Variants in DTNA observed in about 807,000 individuals in gnomAD.
DTNA encodes the protein dystrophin-related protein 3.
Under a neutral mutation model 100.7 loss-of-function variants are expected in DTNA, and 43 were observed. The ratio of observed to expected loss-of-function variants is 0.43; its 90% CI spans 0.33 to 0.55. The LOEUF (loss-of-function observed/expected upper bound fraction) is 0.55. DTNA is among the 20% of genes least tolerant of loss of function. DTNA has a pLI of 0.04. For synonymous variants in DTNA, 349 were observed against 347.9 expected (o/e 1.00, Z -0.04); for missense variants, 798 against 953.9 (o/e 0.84, Z 2.15).
intron 1 of DTNA, among the ~76,000 whole-genome samples, chr18:34,582,054 G>A (rs1192476239): frequency 6.6e-6 from 1 of 152,128 alleles, no homozygotes; most frequent in Non-Finnish European, 1.5e-5. Flanking sequence ...ACCTTAATAT[G>A]TGTATCTTCA....
intron 1 of DTNA, among the ~76,000 whole-genome samples, chr18:34,630,325 C>T (rs1334146480): frequency 1.3e-5 from 2 of 152,108 alleles, no homozygotes; most frequent in Admixed American, 1.3e-4. Context: ...ATTGAATAAC[C>T]CAATTCTCCT....
At chr18:34,663,315 G>A (rs1005001791) in intron 1 of DTNA, among the ~76,000 whole-genome samples, 2 of 151,802 alleles carry the variant, frequency 1.3e-5, no homozygotes, top group East Asian at 1.9e-4. Context: ...ATGCCACCAC[G>A]CCTGGCTAAT....
intron 9 of DTNA, among the ~76,000 whole-genome samples, chr18:34,822,957 A>G (rs781415032): frequency 6.6e-6 from 1 of 152,234 alleles, no homozygotes; most frequent in Non-Finnish European, 1.5e-5. Context: ...TTTTAATTTT[A>G]AAATGCAAAT....
At chr18:34,603,039 A>T (rs913723357) in intron 1 of DTNA, among the ~76,000 whole-genome samples, 41 of 151,626 alleles carry the variant, frequency 2.7e-4, no homozygotes, top group Middle Eastern at 3.4e-3. Context: ...AATTTAATTT[A>T]ATTTAATTTT....
chr18:34,579,467 A>G (rs1052932132), intron 1 of DTNA, among the ~76,000 whole-genome samples: 20 of 152,178 alleles, frequency 1.3e-4, no homozygotes, highest in African/African-American at 4.3e-4. Context: ...CTTGTCTCTT[A>G]TAGTATGTAT....
At chr18:34,740,198 A>G (rs2090370394) in intron 1 of DTNA, among the ~76,000 whole-genome samples, 1 of 152,130 alleles carries the variant, frequency 6.6e-6, no homozygotes, top group East Asian at 1.9e-4. Context: ...ATTTCCAGGT[A>G]GTAGTTTAGA....
chr18:34,657,159 A>G (rs1046260424), intron 1 of DTNA, among the ~76,000 whole-genome samples: 9 of 152,194 alleles, frequency 5.9e-5, no homozygotes, highest in East Asian at 1.9e-4. Context: ...ACTAGGCATG[A>G]GCCACTGCAC....
intron 1 of DTNA, among the ~76,000 whole-genome samples, chr18:34,542,199 G>A (rs2044311275): frequency 1.3e-5 from 2 of 151,944 alleles, no homozygotes; most frequent in Non-Finnish European, 2.9e-5. Context: ...TTATATTGTA[G>A]TAAGTGTCTA....
chr18:34,533,565 G>A (rs1018247547), intron 1 of DTNA, among the ~76,000 whole-genome samples: 2 of 152,002 alleles, frequency 1.3e-5, no homozygotes, highest in South Asian at 2.1e-4. Context: ...GTATGCCTCC[G>A]TAGATAATCA....
chr18:34,542,362 A>G (rs1434847818), intron 1 of DTNA, among the ~76,000 whole-genome samples: 1 of 152,054 alleles, frequency 6.6e-6, no homozygotes, highest in Non-Finnish European at 1.5e-5. Context: ...AGCTTCCAGA[A>G]TTGAATCTCA....
At chr18:34,850,876 G>A (rs968521545) in intron 14 of DTNA, among the ~76,000 whole-genome samples, 2 of 152,118 alleles carry the variant, frequency 1.3e-5, no homozygotes, top group Non-Finnish European at 2.9e-5. Flanking sequence ...ATATGAGAAT[G>A]GAGAAAGCTG....
chr18:34,857,508 A>T (rs1273973237), intron 15 of DTNA, among the ~76,000 whole-genome samples: 1 of 152,120 alleles, frequency 6.6e-6, no homozygotes, highest in Non-Finnish European at 1.5e-5. Context: ...CAGGTCACAT[A>T]TCCTTTATGG....
intron 1 of DTNA, among the ~76,000 whole-genome samples, chr18:34,577,020 T>C (rs1437472132): frequency 6.6e-6 from 1 of 152,128 alleles, no homozygotes; most frequent in Admixed American, 6.5e-5. Flanking sequence ...CAGTTTATTG[T>C]GGGTCAGTAA....
At chr18:34,791,781 T>G (rs2094755098) in intron 3 of DTNA, among the ~76,000 whole-genome samples, 1 of 152,204 alleles carries the variant, frequency 6.6e-6, no homozygotes, top group African/African-American at 2.4e-5. Context: ...TGACTCACAT[T>G]ATTTACTTGT....
intron 1 of DTNA, among the ~76,000 whole-genome samples, chr18:34,535,815 C>T (rs2043647938): frequency 6.6e-6 from 1 of 151,900 alleles, no homozygotes; most frequent in Admixed American, 6.6e-5. Context: ...AGACATCAGG[C>T]ATTTTTTACC....
rs1251858942 is a variant in DTNA, at chr18:34,890,260, A to G, written c.*2526A>G. On this transcript the variant is annotated 3_prime_UTR_variant, in exon 23 of 23. Coordinates refer to ENST00000444659, the MANE Select transcript of DTNA (RefSeq NM_001386795.1). Reference sequence around the variant, plus strand: ...AGGACTCTGGAAACTGCCGCCAATGACCAATTTCTGACTAACCAGCCACCT... The same window carrying G: ...AGGACTCTGGAAACTGCCGCCAATGGCCAATTTCTGACTAACCAGCCACCT... 17 of 1,522,194 alleles carry G rather than the reference A, an allele frequency of 1.1e-5. No homozygotes were observed. In the Admixed American group the frequency reaches 3.4e-4, roughly 31 times the overall value. 94.3% of individuals were successfully genotyped at this position (1,522,194 alleles called of 1,614,324 possible).
At chr18:34,593,107 T>C (rs2049927882) in intron 1 of DTNA, among the ~76,000 whole-genome samples, 1 of 152,190 alleles carries the variant, frequency 6.6e-6, no homozygotes, top group African/African-American at 2.4e-5. Flanking sequence ...GATGTTCAGC[T>C]TCCAAGTGTT....
chr18:34,556,153 T>C (rs1016946698), intron 1 of DTNA, among the ~76,000 whole-genome samples: 1 of 151,710 alleles, frequency 6.6e-6, no homozygotes, highest in African/African-American at 2.4e-5. Flanking sequence ...TTGATCTTTG[T>C]TGGTTTAAGG....
chr18:34,513,861 A>G (rs1252188714), intron 1 of DTNA: 1 of 152,146 alleles, frequency 6.6e-6, no homozygotes, highest in African/African-American at 2.4e-5. Context: ...ACCATTAACT[A>G]CTACCTGCAC....
Sources: gnomAD v4.1 joint callset for allele counts (sites outside exome capture counted in the v4.1 genomes callset) on GRCh38, gnomAD v4.1.1 for gene constraint, MANE v1.5 for transcripts, NCBI Gene and HGNC (gene_info 2026-07-23, HGNC 2026-07-21) for gene names.